The following HS6ST1 variants were observed in gnomAD, a reference collection of about 807,000 sequenced individuals.
HS6ST1 encodes heparan sulfate 6-O-sulfotransferase 1.
In HS6ST1, 3 loss-of-function variants were observed where a neutral mutation model predicts 25.2. That is an observed-to-expected ratio of 0.12 (90% CI 0.05 to 0.31). The LOEUF is 0.31. Ranked by LOEUF, HS6ST1 falls within the 10% of genes least tolerant of loss-of-function variation. HS6ST1 has a pLI of 1.00. For missense variants in HS6ST1, 310 were observed against 609.6 expected, an observed-to-expected ratio of 0.51 and a Z score of 5.18; for synonymous variants, 204 against 275.1, an observed-to-expected ratio of 0.74 and a Z score of 2.56.
At chr2:128,289,831 A>C (rs1693926408) in intron 1 of HS6ST1, 1 of 152,232 alleles carries the variant, frequency 6.6e-6, no homozygotes, top group South Asian at 2.1e-4. Flanking sequence ...CACCAGGAGA[A>C]CATGTAAGAG....
intron 1 of HS6ST1, among the ~76,000 whole-genome samples, chr2:128,296,413 G>A (rs1479652108): frequency 6.6e-6 from 1 of 152,144 alleles, no homozygotes; most frequent in East Asian, 1.9e-4. Context: ...AAAGAAAAAA[G>A]GAAAGTTATC....
At chr2:128,312,935 C>T (rs534960852) in intron 1 of HS6ST1, among the ~76,000 whole-genome samples, 1 of 152,198 alleles carries the variant, frequency 6.6e-6, no homozygotes, top group East Asian at 1.9e-4. Flanking sequence ...TAGTGACGGG[C>T]ACCTGTAATC....
At position 128,287,190 on chromosome 2, in the gene HS6ST1, C is replaced by T. The variant is rs548184959; in HGVS notation, c.528-18320G>A. The stretch of plus-strand genomic sequence containing the variant: ...CACAAAGGCACTGATGGGAAGGAAG[C>T]GCCCAACCCCTCCTGGTCCCAGGAA... On this transcript the variant is annotated intron_variant, in intron 1 of 1. Coordinates refer to ENST00000259241, the MANE Select transcript of HS6ST1 (RefSeq NM_004807.3). Among the ~76,000 whole-genome samples the T allele has an allele frequency of 2.2e-4, 34 of 152,326 alleles. No homozygotes were observed. The South Asian group carries it at 3.5e-3, about 16-fold the overall frequency.
intron 1 of HS6ST1, among the ~76,000 whole-genome samples, chr2:128,299,118 A>G (rs1283262746): frequency 1.3e-5 from 2 of 152,256 alleles, no homozygotes; most frequent in Non-Finnish European, 2.9e-5. Context: ...TGACCTAGCC[A>G]AGGACCCAGT....
chr2:128,275,269 CG>C (rs60903148), intron 1 of HS6ST1, among the ~76,000 whole-genome samples: 1,642 of 152,226 alleles, frequency 0.011, 27 homozygotes, highest in African/African-American at 0.036. Context: ...TTAATAAAAA[CG>C]TGAGTTTTAA....
intron 1 of HS6ST1, among the ~76,000 whole-genome samples, chr2:128,292,891 T>C (rs1467032156): frequency 1.3e-5 from 2 of 151,334 alleles, no homozygotes; most frequent in African/African-American, 2.4e-5. Context: ...ACATGGGGTG[T>C]GGGGGAAGGC....
Position 128,281,401 on chromosome 2 carries a change from G to T in HS6ST1, c.528-12531C>A, listed in dbSNP as rs1181720914. Among the ~76,000 whole-genome samples, 3 of 152,258 alleles carry T rather than the reference G, an allele frequency of 2.0e-5. No homozygotes were observed. In the East Asian group the frequency reaches 5.8e-4, roughly 29 times the overall value. On this transcript the variant is annotated intron_variant, in intron 1 of 1. Transcript: ENST00000259241. ...AGAAAACAGTGCAGAAAGTCCCTGA[G>T]GAGGAAGACGCCCAGGAGATGATGT...
At chr2:128,272,980 G>A (rs4662785) in intron 1 of HS6ST1, among the ~76,000 whole-genome samples, 19,834 of 152,164 alleles carry the variant, frequency 0.13, 1,412 homozygotes, top group Non-Finnish European at 0.15. Flanking sequence ...GCCAGCGAAA[G>A]CCCTCATGGT....
chr2:128,296,843 G>A (rs993839127), intron 1 of HS6ST1, among the ~76,000 whole-genome samples: 1 of 152,164 alleles, frequency 6.6e-6, no homozygotes, highest in African/African-American at 2.4e-5. Context: ...AACAGTATTT[G>A]CTGCATAAAT....
At chr2:128,285,243 T>G (rs1693844540) in intron 1 of HS6ST1, among the ~76,000 whole-genome samples, 1 of 152,176 alleles carries the variant, frequency 6.6e-6, no homozygotes, top group African/African-American at 2.4e-5. Context: ...AGGGGTCTGG[T>G]GGAGGTCTGA....
chr2:128,289,553 C>T (rs1369299691), intron 1 of HS6ST1: 1 of 152,228 alleles, frequency 6.6e-6, no homozygotes, highest in Non-Finnish European at 1.5e-5. Flanking sequence ...CACGAAGCTC[C>T]CAGGAGAACC....
intron 1 of HS6ST1, among the ~76,000 whole-genome samples, chr2:128,297,755 A>G (rs1269343563): frequency 3.3e-5 from 5 of 152,180 alleles, no homozygotes; most frequent in African/African-American, 1.2e-4. Context: ...AATCGCTTGA[A>G]CCTGGGAAGC....
At chr2:128,305,842 C>T (rs1306073892) in intron 1 of HS6ST1, among the ~76,000 whole-genome samples, 1 of 152,158 alleles carries the variant, frequency 6.6e-6, no homozygotes, top group East Asian at 1.9e-4. Flanking sequence ...TGCCCAGGTT[C>T]CCTGCACCAT....
At chr2:128,317,986 C>T (rs1694399597) in intron 1 of HS6ST1, 51 bp downstream of exon 1, 1 of 1,397,556 alleles carries the variant, frequency 7.2e-7, no homozygotes, top group Non-Finnish European at 9.2e-7. Context: ...GGGCATACGG[C>T]CCGGCCTCGG....
At chr2:128,271,766 G>A in intron 1 of HS6ST1, among the ~76,000 whole-genome samples, 1 of 152,228 alleles carries the variant, frequency 6.6e-6, no homozygotes, top group Non-Finnish European at 1.5e-5. Context: ...GTGACGGGTG[G>A]GCACGAGGGC....
intron 1 of HS6ST1, among the ~76,000 whole-genome samples, chr2:128,304,341 T>C (rs840890): frequency 0.69 from 104,244 of 152,152 alleles, 37,135 homozygotes; most frequent in African/African-American, 0.88. Flanking sequence ...CTTTAGAAAC[T>C]GGGTCTCCCT....
At chr2:128,315,617 AG>A (rs1342679254) in intron 1 of HS6ST1, among the ~76,000 whole-genome samples, 1 of 152,200 alleles carries the variant, frequency 6.6e-6, no homozygotes, top group Non-Finnish European at 1.5e-5. Context: ...GCACCCCAGC[AG>A]GGATGGGCAC....
At chr2:128,298,485 C>G (rs777524062) in intron 1 of HS6ST1, among the ~76,000 whole-genome samples, 1 of 152,118 alleles carries the variant, frequency 6.6e-6, no homozygotes, top group Admixed American at 6.5e-5. Context: ...TATTACTCAG[C>G]CCTAAAAAGG....
At chr2:128,298,536 A>C (rs1315720252) in intron 1 of HS6ST1, among the ~76,000 whole-genome samples, 1 of 152,220 alleles carries the variant, frequency 6.6e-6, no homozygotes. Context: ...ATGAACCTTA[A>C]AGACATTATG....
Sources: gnomAD v4.1 joint callset for allele counts (sites outside exome capture counted in the v4.1 genomes callset) on GRCh38, gnomAD v4.1.1 for gene constraint, MANE v1.5 for transcripts, NCBI Gene and HGNC (gene_info 2026-07-23, HGNC 2026-07-21) for gene names.